The following INPP4B variants were observed in gnomAD, a reference collection of about 807,000 sequenced individuals.
INPP4B encodes inositol polyphosphate 4-phosphatase type II.
In INPP4B, 55 loss-of-function variants were observed where a neutral mutation model predicts 122.5. The ratio of observed to expected loss-of-function variants is 0.45; its 90% confidence interval spans 0.36 to 0.56. The LOEUF is 0.56. Ranked by LOEUF, INPP4B falls within the 20% of genes least tolerant of loss-of-function variation. The probability of loss-of-function intolerance (pLI) is 0.00; values close to 1 mark genes in which losing one functional copy is unlikely to be tolerated. For synonymous variants in INPP4B, 403 were observed against 388.7 expected (o/e 1.04, Z -0.43); for missense variants, 1,000 against 1,097.7 (o/e 0.91, Z 1.26).
At chr4:142,691,666 A>G (rs6830886) in intron 2 of INPP4B, among the ~76,000 whole-genome samples, 100,457 of 151,934 alleles carry the variant, frequency 0.66, 34,296 homozygotes, top group East Asian at 0.81. Flanking sequence ...TCTTCTCTGT[A>G]TTTCCTGGGG....
intron 18 of INPP4B, among the ~76,000 whole-genome samples, chr4:142,141,044 T>C (rs567707503): frequency 5.3e-5 from 8 of 152,258 alleles, no homozygotes; most frequent in African/African-American, 1.9e-4. Flanking sequence ...AGCTATTCCT[T>C]TGAAAAATGA....
At chr4:142,250,264 C>T (rs887137533) in intron 11 of INPP4B, among the ~76,000 whole-genome samples, 5 of 152,206 alleles carry the variant, frequency 3.3e-5, no homozygotes, top group Non-Finnish European at 7.3e-5. Flanking sequence ...AGGGGAAAGT[C>T]TTTTTCTTCT....
chr4:142,761,171 T>G (rs1186776585), intron 1 of INPP4B, among the ~76,000 whole-genome samples: 1 of 23,728 alleles, frequency 4.2e-5, no homozygotes, highest in African/African-American at 1.2e-4. Flanking sequence ...AAATAAGCAA[T>G]TTTTTTTTTT....
chr4:142,437,168 G>C (rs976317873), intron 3 of INPP4B, among the ~76,000 whole-genome samples: 1 of 151,944 alleles, frequency 6.6e-6, no homozygotes, highest in Non-Finnish European at 1.5e-5. Flanking sequence ...TTCAGAGATT[G>C]AAGACTATCT....
chr4:142,584,431 A>G (rs1735733579), intron 2 of INPP4B, among the ~76,000 whole-genome samples: 1 of 152,128 alleles, frequency 6.6e-6, no homozygotes, highest in Non-Finnish European at 1.5e-5. Context: ...TCAATTAGAC[A>G]TTGTATCTCC....
chr4:142,578,215 C>G (rs761193942), intron 2 of INPP4B, among the ~76,000 whole-genome samples: 4 of 151,952 alleles, frequency 2.6e-5, no homozygotes. Flanking sequence ...ATCTCATCTT[C>G]ATCACAGAAA....
chr4:142,033,353 G>A (rs961323820), intron 25 of INPP4B, among the ~76,000 whole-genome samples: 6 of 152,192 alleles, frequency 3.9e-5, no homozygotes, highest in African/African-American at 1.4e-4. Flanking sequence ...CCATGGGCCA[G>A]TGGTCATTTC....
intron 2 of INPP4B, among the ~76,000 whole-genome samples, chr4:142,546,579 T>C (rs1175456435): frequency 3.9e-5 from 6 of 152,152 alleles, no homozygotes; most frequent in Non-Finnish European, 8.8e-5. Context: ...GTTAGGAGAA[T>C]TATGATTACG....
At chr4:142,092,451 T>C (rs558620703) in intron 23 of INPP4B, among the ~76,000 whole-genome samples, 187 of 152,160 alleles carry the variant, frequency 1.2e-3, no homozygotes, top group African/African-American at 4.3e-3. Flanking sequence ...CCATCATGCC[T>C]GGCTAATTTT....
chr4:142,780,843 T>G (rs886780413), intron 1 of INPP4B, among the ~76,000 whole-genome samples: 5 of 152,138 alleles, frequency 3.3e-5, no homozygotes, highest in Non-Finnish European at 5.9e-5. Flanking sequence ...AAAATTTGAT[T>G]CTGTCTAGAC....
intron 2 of INPP4B, among the ~76,000 whole-genome samples, chr4:142,714,095 T>C (rs1763451059): frequency 1.3e-5 from 2 of 152,222 alleles, no homozygotes; most frequent in Non-Finnish European, 2.9e-5. Context: ...TATTCTAATG[T>C]GCATCATACA....
At chr4:142,345,565 A>C (rs959918167) in intron 7 of INPP4B, among the ~76,000 whole-genome samples, 6 of 152,024 alleles carry the variant, frequency 3.9e-5, no homozygotes, top group Non-Finnish European at 7.4e-5. Context: ...GTACACATGG[A>C]CACAAGCACA....
chr4:142,815,922 T>C (rs1780063955), intron 1 of INPP4B, among the ~76,000 whole-genome samples: 1 of 152,184 alleles, frequency 6.6e-6, no homozygotes, highest in African/African-American at 2.4e-5. Context: ...ACAAGATGCT[T>C]TTTTTCCTTT....
intron 25 of INPP4B, among the ~76,000 whole-genome samples, chr4:142,072,126 G>A (rs890166302): frequency 6.6e-6 from 1 of 152,166 alleles, no homozygotes; most frequent in African/African-American, 2.4e-5. Flanking sequence ...AGAAAATGTG[G>A]CACATATACA....
At chr4:142,720,021 A>G (rs1036470450) in intron 2 of INPP4B, among the ~76,000 whole-genome samples, 2 of 152,224 alleles carry the variant, frequency 1.3e-5, no homozygotes, top group Non-Finnish European at 2.9e-5. Flanking sequence ...AATGAATCAT[A>G]AAGTATCAAA....
At chr4:142,611,688 G>T (rs1742573876) in intron 2 of INPP4B, among the ~76,000 whole-genome samples, 1 of 136,290 alleles carries the variant, frequency 7.3e-6, no homozygotes, top group African/African-American at 2.8e-5. Context: ...GTGTCACCCA[G>T]GCTGGAGTCT....
At chr4:142,099,424 A>AT (rs1315757313) in intron 23 of INPP4B, among the ~76,000 whole-genome samples, 1 of 152,052 alleles carries the variant, frequency 6.6e-6, no homozygotes, top group Non-Finnish European at 1.5e-5. Flanking sequence ...AACTGACTGG[A>AT]TTTTTCATTT....
At chr4:142,349,109 T>C (rs1003487183) in intron 7 of INPP4B, among the ~76,000 whole-genome samples, 2 of 152,092 alleles carry the variant, frequency 1.3e-5, no homozygotes, top group Non-Finnish European at 2.9e-5. Flanking sequence ...AAGATCATCA[T>C]GGCAATGGTC....
At chr4:142,666,056 C>T (rs574065973) in intron 2 of INPP4B, among the ~76,000 whole-genome samples, 117 of 152,202 alleles carry the variant, frequency 7.7e-4, no homozygotes, top group African/African-American at 2.5e-3. Context: ...TCTTACTATA[C>T]GGTACTCATC....
Sources: gnomAD v4.1 joint callset for allele counts (sites outside exome capture counted in the v4.1 genomes callset) on GRCh38, gnomAD v4.1.1 for gene constraint, MANE v1.5 for transcripts, NCBI Gene and HGNC (gene_info 2026-07-23, HGNC 2026-07-21) for gene names.